Variants in BANP observed in about 807,000 individuals in gnomAD.
BANP encodes BTG3 associated nuclear protein, also known as protein BANP.
A neutral mutation model predicts 68.1 loss-of-function variants in BANP; 11 were observed. The observed-to-expected ratio is 0.16, with a 90% CI of 0.10 to 0.27. The LOEUF (loss-of-function observed/expected upper bound fraction) is 0.27. Among genes scored for constraint, BANP ranks in the 10% least tolerant of loss-of-function variants. BANP has a pLI of 1.00. For missense variants in BANP, 504 were observed against 722.7 expected, an observed-to-expected ratio of 0.70 and a Z score of 3.47; for synonymous variants, 329 against 303.2, an observed-to-expected ratio of 1.09 and a Z score of -0.88.
At chr16:88,038,123 G>C in intron 11 of BANP, 112 bp downstream of exon 11, 6 of 1,119,764 alleles carry the variant, frequency 5.4e-6, no homozygotes, top group Non-Finnish European at 8.1e-6. Flanking sequence ...TGTACATGTG[G>C]GCATTGCGCT....
intron 7 of BANP, among the ~76,000 whole-genome samples, chr16:88,026,225 T>C (rs959695742): frequency 6.6e-6 from 1 of 152,176 alleles, no homozygotes; most frequent in African/African-American, 2.4e-5. Context: ...GCACCTGGCT[T>C]TGGCCCCACA....
intron 7 of BANP, among the ~76,000 whole-genome samples, chr16:88,019,358 T>G (rs998961434): frequency 8.6e-5 from 13 of 151,824 alleles, no homozygotes; most frequent in Admixed American, 3.3e-4. Flanking sequence ...AACGAAGATG[T>G]AAAGTGAAGC....
chr16:88,022,692 G>T (rs1302839595), intron 7 of BANP, among the ~76,000 whole-genome samples: 6 of 152,224 alleles, frequency 3.9e-5, no homozygotes. Context: ...TTGGAGGCCA[G>T]ATGCCTGGGA....
chr16:87,965,650 C>G (rs1333581873), intron 1 of BANP, among the ~76,000 whole-genome samples: 1 of 152,198 alleles, frequency 6.6e-6, no homozygotes, highest in African/African-American at 2.4e-5. Flanking sequence ...CAGCATCAGG[C>G]GCACCTGAGG....
chr16:88,062,075 GAATGACAAAAACAA>G (rs2086972018), intron 11 of BANP, among the ~76,000 whole-genome samples: 1 of 152,214 alleles, frequency 6.6e-6, no homozygotes, highest in Non-Finnish European at 1.5e-5. Context: ...ATTCAAAGCT[GAATGACAAAAACAA>G]AGGACTTCTT....
Position 88,076,820 on chromosome 16 carries a change from T to G in BANP, c.*159T>G. On this transcript the variant is annotated 3_prime_UTR_variant, in exon 14 of 14. Coordinates refer to ENST00000682872, the MANE Select transcript of BANP (RefSeq NM_001386991.1). ...CCGCGGGGAACAGCATCCTATCAACTGAAAGAGCAGCCGCCGCCGCCCCCA... is the reference window on the plus strand; with the variant it reads ...CCGCGGGGAACAGCATCCTATCAACGGAAAGAGCAGCCGCCGCCGCCCCCA... 4.8e-6 allele frequency: 3 copies of G among 618,878 alleles called. No homozygotes were observed. Among genetic ancestry groups the G allele is most frequent in the Non-Finnish European group, 8.2e-6 (3 of 366,708 alleles). The allele number at this position is 618,878 out of a possible 1,614,324, so 38.3% of individuals were successfully genotyped here.
intron 12 of BANP, among the ~76,000 whole-genome samples, chr16:88,070,565 G>A (rs910250145): frequency 6.6e-6 from 1 of 152,138 alleles, no homozygotes; most frequent in Admixed American, 6.5e-5. Flanking sequence ...TGGCTGGCAG[G>A]GTTGCCAGGC....
rs551525474 is a variant in BANP, at chr16:88,072,722, G to T, written c.1521+510G>T. 3.3e-5 allele frequency among the ~76,000 whole-genome samples: 5 copies of T among 152,368 alleles called. No individual in the cohort carries two copies. In the South Asian group the frequency reaches 1.0e-3, roughly 32 times the overall value. On this transcript the variant is annotated intron_variant, in intron 13 of 13. Coordinates refer to ENST00000682872, the MANE Select transcript of BANP (RefSeq NM_001386991.1). The stretch of plus-strand genomic sequence containing the variant: ...CTCGCAGGCAGAAGCCCCCGAGGGT[G>T]AGGCCGTGCCGAAATCTCCAGCGTG...
chr16:87,991,613 T>A (rs2065908849), intron 4 of BANP, among the ~76,000 whole-genome samples: 1 of 152,242 alleles, frequency 6.6e-6, no homozygotes, highest in Non-Finnish European at 1.5e-5. Context: ...TGTGCATATT[T>A]TGTTACATTT....
chr16:88,005,416 G>C (rs2070708793), intron 5 of BANP, among the ~76,000 whole-genome samples: 2 of 152,162 alleles, frequency 1.3e-5, no homozygotes, highest in African/African-American at 2.4e-5. Flanking sequence ...CTGCTGGTGC[G>C]TAGCAGTCCA....
chr16:87,978,197 A>G (rs934754759), intron 2 of BANP, among the ~76,000 whole-genome samples: 44 of 152,342 alleles, frequency 2.9e-4, no homozygotes, highest in African/African-American at 1.1e-3. Flanking sequence ...AGTAATGCAT[A>G]CAGAATTATA....
In BANP at chr16:88,027,598, G is replaced by T. The variant is rs750082154; in HGVS notation, c.1011G>T (p.Ala337=). The change falls in exon 8 of 14, where the codon GCG becomes GCT. Residue 337 remains alanine (A), a synonymous_variant. Transcript: ENST00000682872. ...WRRKQRGQSL[A]VKSFSRRTPN... ...GCAAGCAGCGGGGCCAGAGCCTGGC[G>T]GTCAAGAGCTTCTCGCGGAGAACGC... 2.5e-6 allele frequency: 4 copies of T among 1,613,950 alleles called. No homozygotes were observed. In the Admixed American group the frequency reaches 5.0e-5, roughly 20 times the overall value.
chr16:87,992,922 T>C (rs1290882597), intron 4 of BANP, among the ~76,000 whole-genome samples: 1 of 152,252 alleles, frequency 6.6e-6, no homozygotes, highest in African/African-American at 2.4e-5. Context: ...CCACTGTATG[T>C]TTCTGTGTCT....
At chr16:87,987,735 A>G (rs2064831032) in intron 4 of BANP, among the ~76,000 whole-genome samples, 1 of 150,010 alleles carries the variant, frequency 6.7e-6, no homozygotes, top group African/African-American at 2.5e-5. Context: ...AAAAAAAAAA[A>G]AAAAGGATGT....
intron 7 of BANP, among the ~76,000 whole-genome samples, chr16:88,024,187 G>A (rs1482760211): frequency 6.6e-6 from 1 of 152,138 alleles, no homozygotes; most frequent in Non-Finnish European, 1.5e-5. Flanking sequence ...TGTTCTTCCC[G>A]TCTCCCCGAG....
chr16:88,010,860 C>T (rs1425216122), intron 6 of BANP, among the ~76,000 whole-genome samples: 1 of 151,398 alleles, frequency 6.6e-6, no homozygotes, highest in Non-Finnish European at 1.5e-5. Context: ...TATGCTGTGC[C>T]GATTCACACA....
At chr16:87,994,396 C>T (rs2066661480) in intron 4 of BANP, among the ~76,000 whole-genome samples, 1 of 152,316 alleles carries the variant, frequency 6.6e-6, no homozygotes, top group Admixed American at 6.5e-5. Flanking sequence ...GGGAGAGCAG[C>T]GTGAGGAGTT....
intron 1 of BANP, among the ~76,000 whole-genome samples, chr16:87,953,405 C>G (rs1472038561): frequency 6.6e-6 from 1 of 152,002 alleles, no homozygotes; most frequent in Non-Finnish European, 1.5e-5. Context: ...GATAGGATCC[C>G]CTGATGTTGC....
At chr16:87,960,281 A>G (rs1204452354) in intron 1 of BANP, among the ~76,000 whole-genome samples, 1 of 152,082 alleles carries the variant, frequency 6.6e-6, no homozygotes, top group Admixed American at 6.6e-5. Flanking sequence ...TGGGAGATGA[A>G]TTTCAGTCTG....
Sources: allele counts gnomAD v4.1 joint callset (sites outside exome capture counted in the v4.1 genomes callset), GRCh38; gene constraint gnomAD v4.1.1; transcripts MANE v1.5; gene names NCBI Gene and HGNC (gene_info 2026-07-23, HGNC 2026-07-21).